Variants in ZFYVE28 observed in about 807,000 individuals in gnomAD.
ZFYVE28 encodes the protein lateral signaling target protein 2 homolog.
A neutral mutation model predicts 82.1 loss-of-function variants in ZFYVE28; 40 were observed. The observed-to-expected ratio is 0.49, with a 90% CI of 0.38 to 0.63. The LOEUF (loss-of-function observed/expected upper bound fraction) is 0.63. Among genes scored for constraint, ZFYVE28 ranks in the 30% least tolerant of loss-of-function variants. The probability of loss-of-function intolerance (pLI) is 0.00; values close to 1 mark genes in which losing one functional copy is unlikely to be tolerated. For missense variants in ZFYVE28, 1,321 were observed against 1,242.1 expected (o/e 1.06, Z -0.96); for synonymous variants, 612 against 546.1 (o/e 1.12, Z -1.68).
In ZFYVE28 at chr4:2,304,543, T is replaced by C. The variant is rs1017967626; in HGVS notation, c.1797A>G (p.Leu599=). The C allele has an allele frequency of 1.9e-6, 3 of 1,612,658 alleles. No homozygotes were observed. The African/African-American group carries it at 4.0e-5, about 22-fold the overall frequency. ...CAGGGGCCCTGTCGCTGGCCTTGGCTAAGCCGGCAGCGTACGAGGCACCAA... is the reference window on the plus strand; with the variant it reads ...CAGGGGCCCTGTCGCTGGCCTTGGCCAAGCCGGCAGCGTACGAGGCACCAA... ...GVIGASYAAG[L]AKASDRAPER... The change falls in exon 8 of 13, where the codon TTA becomes TTG. Residue 599 remains leucine, a synonymous_variant. Coordinates refer to ENST00000290974, the MANE Select transcript of ZFYVE28 (RefSeq NM_020972.3).
chr4:2,409,112 G>A lies in ZFYVE28; in HGVS notation c.39+9173C>T, dbSNP rs373451950. Among the ~76,000 whole-genome samples the A allele has an allele frequency of 1.4e-5, 2 of 141,966 alleles. No homozygotes were observed. The highest frequency in any genetic ancestry group is 5.4e-5 in the African/African-American group (2 of 37,266). 93.1% of individuals were successfully genotyped at this position (141,966 alleles called of 152,430 possible). A position where few individuals can be genotyped will look rare whatever the true frequency, so the allele number is the denominator to read the frequency against. On this transcript the variant is annotated intron_variant, in intron 1 of 12. Coordinates refer to ENST00000290974, the MANE Select transcript of ZFYVE28 (RefSeq NM_020972.3). The surrounding 1 kb of genome is among the most constrained non-coding windows in gnomAD (Gnocchi z 4.4). ...CTGGCCCCCCACCCTCACATTCCCC[G>A]TGGAGTTGCATGGCCATCAAACACA...
intron 1 of ZFYVE28, among the ~76,000 whole-genome samples, chr4:2,361,419 C>T (rs1408138650): frequency 1.3e-5 from 2 of 152,132 alleles, no homozygotes; most frequent in African/African-American, 2.4e-5. Context: ...GGGAGAGAGA[C>T]GCGGTGCGCA....
In ZFYVE28 at chr4:2,334,588, GC is replaced by G. The variant is rs147564704; in HGVS notation, c.701+1116del. Among the ~76,000 whole-genome samples the G allele has an allele frequency of 5.9e-3, 891 of 151,756 alleles. 7 individuals carry two copies. The highest frequency in any genetic ancestry group is 0.021 in the African/African-American group (853 of 41,360). ...GCATGGCCTCAGTGAGGTCTCTCCA[GC>G]CTGAGCCTGGACCAGTCGTGGCCTC... On this transcript the variant is annotated intron_variant, in intron 6 of 12. Coordinates refer to ENST00000290974, the MANE Select transcript of ZFYVE28 (RefSeq NM_020972.3).
chr4:2,390,431 T>C (rs1395482438), intron 1 of ZFYVE28, among the ~76,000 whole-genome samples: 3 of 152,202 alleles, frequency 2.0e-5, no homozygotes, highest in Non-Finnish European at 4.4e-5. Context: ...GAGCCCCGTG[T>C]GTCTCACTGG....
Position 2,339,801 on chromosome 4 carries a change from AG to A in ZFYVE28, c.319-147del, listed in dbSNP as rs1048154263. 29 of 720,278 alleles carry A rather than the reference AG, an allele frequency of 4.0e-5. No individual in the cohort carries two copies. The highest frequency in any genetic ancestry group is 3.9e-4 in the African/African-American group (22 of 55,804). The allele number at this position is 720,278 out of a possible 1,614,324, so 44.6% of individuals were successfully genotyped here. Reference sequence around the variant, plus strand: ...AGCTCGTGTTCCCGGTCCCCGCAGGAGGTTTTTCTTACATTCAGAGCAATCG... The same window carrying A: ...AGCTCGTGTTCCCGGTCCCCGCAGGAGTTTTTCTTACATTCAGAGCAATCG... On this transcript the variant is annotated intron_variant, in intron 3 of 12. Coordinates refer to ENST00000290974, the MANE Select transcript of ZFYVE28 (RefSeq NM_020972.3). This position sits in a 1 kb window ranked among gnomAD's most constrained non-coding sequence, Gnocchi z 5.0.
chr4:2,291,627 G>C (rs928678747), intron 8 of ZFYVE28, among the ~76,000 whole-genome samples: 4 of 152,196 alleles, frequency 2.6e-5, no homozygotes, highest in Non-Finnish European at 4.4e-5. Context: ...ACAGGGCTGG[G>C]GGTCCTGGGG....
At chr4:2,273,108 C>G in intron 10 of ZFYVE28, 65 bp downstream of exon 10, 1 of 1,343,158 alleles carries the variant, frequency 7.4e-7, no homozygotes, top group Non-Finnish European at 1.0e-6. Flanking sequence ...CTGAGCACCC[C>G]TCCCTGTGGG....
At chr4:2,370,471 C>T (rs909933357) in intron 1 of ZFYVE28, among the ~76,000 whole-genome samples, 4 of 152,158 alleles carry the variant, frequency 2.6e-5, no homozygotes, top group African/African-American at 7.2e-5. Context: ...TCCCTAAGTG[C>T]CCCCAGTGCC....
intron 1 of ZFYVE28, among the ~76,000 whole-genome samples, chr4:2,358,237 G>A (rs1725625738): frequency 6.6e-6 from 1 of 152,208 alleles, no homozygotes; most frequent in Non-Finnish European, 1.5e-5. Flanking sequence ...GTGTGTACAT[G>A]CATGTGCGTC....
intron 11 of ZFYVE28, 108 bp downstream of exon 11, chr4:2,271,567 C>T (rs1005788823): frequency 7.0e-6 from 10 of 1,438,614 alleles, no homozygotes; most frequent in Non-Finnish European, 9.7e-6. Flanking sequence ...CTCCCACATG[C>T]CCGGACAGGG....
At chr4:2,301,679 G>A (rs1715550149) in intron 8 of ZFYVE28, among the ~76,000 whole-genome samples, 2 of 151,918 alleles carry the variant, frequency 1.3e-5, no homozygotes, top group South Asian at 4.1e-4. Flanking sequence ...ACCCCCAGCA[G>A]CAAAAGATGT....
chr4:2,299,082 G>T (rs763173337), intron 8 of ZFYVE28, among the ~76,000 whole-genome samples: 2 of 152,202 alleles, frequency 1.3e-5, no homozygotes, highest in Non-Finnish European at 2.9e-5. Flanking sequence ...CAAATCAAAA[G>T]ACATTCAAAA....
intron 8 of ZFYVE28, among the ~76,000 whole-genome samples, chr4:2,279,181 C>T (rs1460597460): frequency 6.6e-6 from 1 of 152,230 alleles, no homozygotes; most frequent in African/African-American, 2.4e-5. Context: ...ATTGTCATCC[C>T]AGCCCTGTGG....
At chr4:2,368,534 G>T (rs1314795465) in intron 1 of ZFYVE28, among the ~76,000 whole-genome samples, 1 of 152,054 alleles carries the variant, frequency 6.6e-6, no homozygotes, top group African/African-American at 2.4e-5. Flanking sequence ...CCCCTTCATC[G>T]ACTTTATCTC....
At chr4:2,286,572 A>G (rs764096629) in intron 8 of ZFYVE28, 7 of 152,302 alleles carry the variant, frequency 4.6e-5, no homozygotes, top group South Asian at 2.1e-4. Context: ...TGAGACAGGC[A>G]TCTGACGCAT....
In ZFYVE28 at chr4:2,341,541, G is replaced by A. The variant is rs764008739; in HGVS notation, c.255C>T (p.Cys85=). The part of the protein sequence containing the change: ...IPQDRAPRDF[C]VKFPEEIRHD... Reference sequence around the variant, plus strand: ...GCCGGATCTCCTCAGGGAACTTGACGCAGAAATCTCTGGGGGCGCGGTCCT... The same window carrying A: ...GCCGGATCTCCTCAGGGAACTTGACACAGAAATCTCTGGGGGCGCGGTCCT... Residue 85 remains cysteine, a synonymous_variant, in exon 3 of 13, where the codon TGC becomes TGT. Transcript: ENST00000290974. The surrounding 1 kb of genome is among the most constrained non-coding windows in gnomAD (Gnocchi z 4.5). 62 of 1,613,926 alleles carry A rather than the reference G, an allele frequency of 3.8e-5. 1 individual carries two copies. The South Asian group carries it at 4.1e-4, about 11-fold the overall frequency.
intron 1 of ZFYVE28, among the ~76,000 whole-genome samples, chr4:2,357,370 C>T (rs1369508167): frequency 6.6e-6 from 1 of 152,188 alleles, no homozygotes; most frequent in African/African-American, 2.4e-5. Context: ...ACCTTCCTAC[C>T]AGAGGGCAGA....
rs570432228 is a variant in ZFYVE28 at position 2,332,700 on chromosome 4, C to T, written c.701+3005G>A. On this transcript the variant is annotated intron_variant, in intron 6 of 12. Transcript: ENST00000290974. The surrounding 1 kb of genome is among the most constrained non-coding windows in gnomAD (Gnocchi z 4.7). The stretch of plus-strand genomic sequence containing the variant: ...GGCTCAAAGCGGTCGCTGTGGATGA[C>T]GAGGAACAAGACGGGATCCGCTGGT... Among the ~76,000 whole-genome samples the T allele has an allele frequency of 5.3e-5, 8 of 152,280 alleles. No individual in the cohort carries two copies. The highest frequency in any genetic ancestry group is 8.8e-5 in the Non-Finnish European group (6 of 68,006).
At position 2,305,048 on chromosome 4, in the gene ZFYVE28, G is replaced by A; in HGVS notation, c.1292C>T (p.Ala431Val). 1 of 1,612,168 alleles carries A rather than the reference G, an allele frequency of 6.2e-7. No homozygotes were observed. The highest frequency in any genetic ancestry group is 8.5e-7 in the Non-Finnish European group (1 of 1,179,560). ...ACCCTGCCCTTTCTCCTGGGGGTCG[G>A]CCCAGGTACTGCCTGCCCACCCAAA... ...GPFGWAGSTW[A>V]DPQEKGQGGP... Residue 431 changes from alanine (A) to valine (V), a missense_variant, in exon 8 of 13, where the codon GCC becomes GTC. By Grantham distance (64) the Ala-to-Val change is moderately conservative (BLOSUM62 0). This residue lies in a region of ZFYVE28 where 978 missense variants were observed against 833.7 expected (regional missense o/e 1.17). Transcript: ENST00000290974.
Sources: gnomAD v4.1 joint callset for allele counts (sites outside exome capture counted in the v4.1 genomes callset) on GRCh38, gnomAD v4.1.1 for gene constraint, gnomAD v4.1.1 regional missense constraint, Gnocchi (gnomAD v3.1) non-coding constraint, MANE v1.5 for transcripts, NCBI Gene and HGNC (gene_info 2026-07-23, HGNC 2026-07-21) for gene names.